The following BMPR2 variants were observed in gnomAD, a reference collection of about 807,000 sequenced individuals.
The protein encoded by BMPR2 is bone morphogenetic protein receptor type-2.
BMPR2 carries 29 observed loss-of-function variants against 100.8 expected under a neutral mutation model. The ratio of observed to expected loss-of-function variants is 0.29; its 90% CI spans 0.21 to 0.39. BMPR2 has a LOEUF of 0.39. Ranked by LOEUF, BMPR2 falls within the 10% of genes least tolerant of loss-of-function variation. The pLI is 1.00. For synonymous variants in BMPR2, 382 were observed against 442.3 expected (o/e 0.86, Z 1.71); for missense variants, 1,011 against 1,274.5 (o/e 0.79, Z 3.15).
chr2:202,516,143 T>C (rs1411854836), intron 5 of BMPR2, among the ~76,000 whole-genome samples: 2 of 152,188 alleles, frequency 1.3e-5, no homozygotes, highest in Non-Finnish European at 2.9e-5. Context: ...GATGAGTGTT[T>C]TTATATTTAT....
At chr2:202,494,159 T>A (rs1018014117) in intron 3 of BMPR2, among the ~76,000 whole-genome samples, 2 of 152,230 alleles carry the variant, frequency 1.3e-5, no homozygotes, top group African/African-American at 4.8e-5. Context: ...AGAAACAATA[T>A]CATAACAATT....
chr2:202,422,308 G>GT (rs992429648), intron 1 of BMPR2, among the ~76,000 whole-genome samples: 22 of 151,514 alleles, frequency 1.5e-4, no homozygotes, highest in Non-Finnish European at 2.4e-4. Context: ...TCATAAAGTT[G>GT]TTTTTTTGTT....
chr2:202,403,184 C>G (rs1487692040), intron 1 of BMPR2, among the ~76,000 whole-genome samples: 1 of 104,582 alleles, frequency 9.6e-6, no homozygotes, highest in Non-Finnish European at 2.0e-5. Context: ...CCCTTCCCCT[C>G]CCCTCCCCTC....
Position 202,564,709 on chromosome 2 carries a change from A to G in BMPR2, c.*4763A>G, listed in dbSNP as rs1574511649. The G allele has an allele frequency of 6.6e-6, 1 of 152,326 alleles. No homozygotes were observed. Among genetic ancestry groups the G allele is most frequent in the Non-Finnish European group, 1.5e-5 (1 of 68,024 alleles). The allele number at this position is 152,326 out of a possible 1,614,324, so 9.4% of individuals were successfully genotyped here. ...CAGATTAACATAAAGAAAAGAGGGA[A>G]TCACAGGGCATTTAAGTGCACCTTC... On this transcript the variant is annotated 3_prime_UTR_variant, in exon 13 of 13. Coordinates refer to ENST00000374580, the MANE Select transcript of BMPR2 (RefSeq NM_001204.7).
chr2:202,518,319 G>T (rs907771332), intron 5 of BMPR2, among the ~76,000 whole-genome samples: 2 of 151,110 alleles, frequency 1.3e-5, no homozygotes, highest in Admixed American at 6.6e-5. Flanking sequence ...TGTATTTTTA[G>T]TAGAGACAGG....
In BMPR2 at chr2:202,376,939, A is replaced by G; in HGVS notation, c.-536A>G. On this transcript the variant is annotated 5_prime_UTR_variant, in exon 1 of 13. Transcript: ENST00000374580. ...TTGTTTTCGAAATCAGAGTGAAGGA[A>G]GCACCGAAGCGAAACTTAAGGAATC... is the stretch of plus-strand genomic sequence containing the variant. 1 of 447,250 alleles carries G rather than the reference A, an allele frequency of 2.2e-6. No homozygotes were observed. 27.7% of individuals were successfully genotyped at this position (447,250 alleles called of 1,614,324 possible). A position where few individuals can be genotyped will look rare whatever the true frequency, so the allele number is the denominator to read the frequency against.
chr2:202,514,371 C>T lies in BMPR2; in HGVS notation c.530-517C>T, dbSNP rs911307107. On this transcript the variant is annotated intron_variant, in intron 4 of 12. Transcript: ENST00000374580. ...CAGGATGGTCTCGATCTCCTGACCT[C>T]GTGATCCGCCCGCCTTGGCCTCCCA... 3.9e-5 allele frequency among the ~76,000 whole-genome samples: 6 copies of T among 152,210 alleles called. No homozygotes were observed. In the East Asian group the frequency reaches 1.2e-3, roughly 29 times the overall value.
chr2:202,391,776 T>G (rs1690554000), intron 1 of BMPR2, among the ~76,000 whole-genome samples: 1 of 151,788 alleles, frequency 6.6e-6, no homozygotes, highest in Non-Finnish European at 1.5e-5. Context: ...TTCTTTTTTT[T>G]TTTTGAGATG....
intron 11 of BMPR2, among the ~76,000 whole-genome samples, chr2:202,553,784 GTT>G (rs1195654548): frequency 6.6e-6 from 1 of 152,078 alleles, no homozygotes; most frequent in Non-Finnish European, 1.5e-5. Flanking sequence ...TGCCTCCCAG[GTT>G]TAAGCGATTC....
chr2:202,525,384 G>A (rs1687891311), intron 7 of BMPR2, among the ~76,000 whole-genome samples: 1 of 151,872 alleles, frequency 6.6e-6, no homozygotes, highest in Non-Finnish European at 1.5e-5. Context: ...TTTAGTAGAG[G>A]TGGGGTTTCA....
intron 1 of BMPR2, among the ~76,000 whole-genome samples, chr2:202,387,757 T>C (rs1690459401): frequency 6.6e-6 from 1 of 152,202 alleles, no homozygotes; most frequent in South Asian, 2.1e-4. Flanking sequence ...ACATATTTAG[T>C]TGAGGTTACA....
chr2:202,390,602 G>T (rs977317180), intron 1 of BMPR2, among the ~76,000 whole-genome samples: 23 of 152,264 alleles, frequency 1.5e-4, no homozygotes, highest in African/African-American at 5.3e-4. Flanking sequence ...AAAGTGCTGA[G>T]ATTACAGGTG....
intron 1 of BMPR2, among the ~76,000 whole-genome samples, chr2:202,454,537 C>T (rs1024077865): frequency 1.3e-5 from 2 of 152,138 alleles, no homozygotes; most frequent in Non-Finnish European, 2.9e-5. Context: ...TACCTACTAA[C>T]TTATCTAGTT....
At chr2:202,386,403 C>T (rs1690426906) in intron 1 of BMPR2, among the ~76,000 whole-genome samples, 1 of 152,168 alleles carries the variant, frequency 6.6e-6, no homozygotes, top group African/African-American at 2.4e-5. Context: ...TCAGTTCTAT[C>T]CTTCCAGTTG....
rs1449169771 is a variant in BMPR2 at position 202,542,411 on chromosome 2, A to G, written c.1377A>G (p.Arg459=). 6.2e-7 allele frequency: 1 copy of G among 1,613,988 alleles called. No homozygotes were observed. The highest frequency in any genetic ancestry group is 8.5e-7 in the Non-Finnish European group (1 of 1,180,014). ...TTCTCGTGTCTAGGGAAAAACAGAG[A>G]CCCAAGTTCCCAGAAGCCTGGAAAG... is the stretch of plus-strand genomic sequence containing the variant. ...MQVLVSREKQ[R]PKFPEAWKEN... is the part of the protein sequence containing the mutation. The change falls in exon 10 of 13, where the codon AGA becomes AGG. Residue 459 remains arginine (R), a synonymous_variant. Coordinates refer to ENST00000374580, the MANE Select transcript of BMPR2 (RefSeq NM_001204.7).
At chr2:202,429,818 A>G (rs142556767) in intron 1 of BMPR2, among the ~76,000 whole-genome samples, 149 of 152,256 alleles carry the variant, frequency 9.8e-4, no homozygotes, top group African/African-American at 3.5e-3. Flanking sequence ...TTGTAAAACC[A>G]TCAGATCTCT....
chr2:202,381,575 T>A (rs1272379628), intron 1 of BMPR2, among the ~76,000 whole-genome samples: 1 of 152,160 alleles, frequency 6.6e-6, no homozygotes, highest in Non-Finnish European at 1.5e-5. Flanking sequence ...AAAGTACACT[T>A]TGCCTGTGAT....
At chr2:202,389,963 T>C (rs968886124) in intron 1 of BMPR2, among the ~76,000 whole-genome samples, 2 of 150,094 alleles carry the variant, frequency 1.3e-5, no homozygotes, top group Admixed American at 1.3e-4. Flanking sequence ...TTTTAAACGA[T>C]GATGATGGTG....
chr2:202,522,350 A>G (rs1687832782), intron 7 of BMPR2, among the ~76,000 whole-genome samples: 2 of 151,974 alleles, frequency 1.3e-5, no homozygotes, highest in African/African-American at 4.8e-5. Flanking sequence ...TACTAAAAAT[A>G]CAAAAAATTA....
Sources: allele counts gnomAD v4.1 joint callset (sites outside exome capture counted in the v4.1 genomes callset), GRCh38; gene constraint gnomAD v4.1.1; transcripts MANE v1.5; gene names NCBI Gene and HGNC (gene_info 2026-07-23, HGNC 2026-07-21).